RAD51B: variants seen among roughly 807,000 people sequenced by gnomAD.
RAD51B encodes the protein DNA repair protein RAD51 homolog 2.
Under a neutral mutation model 42.2 loss-of-function variants are expected in RAD51B, and 38 were observed. The observed-to-expected ratio is 0.90, with a 90% confidence interval of 0.70 to 1.18. RAD51B has a LOEUF of 1.18. Ranked by LOEUF, RAD51B falls within the 50% of genes most tolerant of loss-of-function variation. The pLI is 0.00. For missense variants in RAD51B, 373 were observed against 400.7 expected (o/e 0.93, Z 0.59); for synonymous variants, 154 against 145.2 (o/e 1.06, Z -0.43).
At chr14:67,859,400 T>C (rs1390725749) in intron 4 of RAD51B, among the ~76,000 whole-genome samples, 2 of 152,244 alleles carry the variant, frequency 1.3e-5, no homozygotes. Context: ...GAGACATTAA[T>C]GTTGAAGTAA....
At chr14:68,415,906 T>A (rs1224207463) in intron 9 of RAD51B, among the ~76,000 whole-genome samples, 2 of 152,226 alleles carry the variant, frequency 1.3e-5, no homozygotes, top group East Asian at 3.8e-4. Flanking sequence ...TGACTAAGCC[T>A]CACACCCGCT....
At chr14:68,230,158 T>A (rs1294607895) in intron 7 of RAD51B, among the ~76,000 whole-genome samples, 4 of 152,196 alleles carry the variant, frequency 2.6e-5, no homozygotes, top group Non-Finnish European at 4.4e-5. Context: ...CTTATACAGG[T>A]GACTTTCTCA....
intron 7 of RAD51B, among the ~76,000 whole-genome samples, chr14:68,223,704 G>T (rs777095670): frequency 6.6e-6 from 1 of 151,940 alleles, no homozygotes; most frequent in African/African-American, 2.4e-5. Flanking sequence ...GGAAAGAAAA[G>T]AAAATCCTAC....
At chr14:67,928,695 A>G (rs1023784198) in intron 7 of RAD51B, among the ~76,000 whole-genome samples, 2 of 152,156 alleles carry the variant, frequency 1.3e-5, no homozygotes, top group Non-Finnish European at 2.9e-5. Flanking sequence ...TCTAATCGCC[A>G]GAATTTGCAT....
intron 7 of RAD51B, among the ~76,000 whole-genome samples, chr14:68,072,060 T>A (rs1232472058): frequency 8.6e-6 from 1 of 116,028 alleles, no homozygotes; most frequent in Non-Finnish European, 1.7e-5. Flanking sequence ...TAATTATATA[T>A]ATTTATATAA....
intron 4 of RAD51B, among the ~76,000 whole-genome samples, chr14:67,842,306 G>A (rs570387749): frequency 1.6e-4 from 24 of 152,192 alleles, no homozygotes; most frequent in Non-Finnish European, 2.6e-4. Flanking sequence ...AGTCTTTAGG[G>A]TTTTCTAGGT....
intron 10 of RAD51B, among the ~76,000 whole-genome samples, chr14:68,618,258 C>G (rs561851373): frequency 6.6e-6 from 1 of 152,214 alleles, no homozygotes; most frequent in African/African-American, 2.4e-5. Context: ...AATGGGGCAC[C>G]ATTGACCTCT....
In RAD51B at chr14:68,611,115, G is replaced by A. The variant is rs771656070; in HGVS notation, c.1146G>A (p.Arg382=). Residue 382 remains arginine, a synonymous_variant, in exon 11 of 11, where the codon AGG becomes AGA. Transcript: ENST00000487861. ...CTGATGTGGTGCTCAGAAAAACAAG[G>A]AATCCCAGGCTGTTACCCAGTGTCT... 9 of 703,014 alleles carry A rather than the reference G, an allele frequency of 1.3e-5. No individual in the cohort carries two copies. In the South Asian group the frequency reaches 1.3e-4, roughly 10 times the overall value. 43.5% of individuals were successfully genotyped at this position (703,014 alleles called of 1,614,324 possible). A position where few individuals can be genotyped will look rare whatever the true frequency, so the allele number is the denominator to read the frequency against.
chr14:67,953,523 G>T (rs1000419736), intron 7 of RAD51B, among the ~76,000 whole-genome samples: 1 of 152,172 alleles, frequency 6.6e-6, no homozygotes, highest in African/African-American at 2.4e-5. Flanking sequence ...CTTGGTAGGA[G>T]CTAGTAGCTG....
chr14:68,263,736 G>A (rs1035041981), intron 7 of RAD51B, among the ~76,000 whole-genome samples: 3 of 152,134 alleles, frequency 2.0e-5, no homozygotes, highest in Non-Finnish European at 2.9e-5. Flanking sequence ...AAAGTTGTAA[G>A]GCCTATGTTC....
At chr14:68,172,644 GA>G (rs1226900684) in intron 7 of RAD51B, among the ~76,000 whole-genome samples, 2 of 150,166 alleles carry the variant, frequency 1.3e-5, no homozygotes, top group East Asian at 2.0e-4. Flanking sequence ...ACTTCAAGTG[GA>G]AAAAAAAAGC....
intron 7 of RAD51B, among the ~76,000 whole-genome samples, chr14:68,101,462 G>A (rs2077287926): frequency 6.6e-6 from 1 of 152,204 alleles, no homozygotes; most frequent in South Asian, 2.1e-4. Context: ...CAGGCATTGG[G>A]TAAATACACC....
intron 7 of RAD51B, among the ~76,000 whole-genome samples, chr14:67,967,674 G>T (rs1181392680): frequency 6.6e-6 from 1 of 152,196 alleles, no homozygotes; most frequent in African/African-American, 2.4e-5. Context: ...TAAGAGGTAG[G>T]TTCCCACAGT....
At position 68,417,623 on chromosome 14, in the gene RAD51B, C is replaced by A. The variant is rs570903547; in HGVS notation, c.957+6096C>A. On this transcript the variant is annotated intron_variant, in intron 9 of 10. Coordinates refer to ENST00000471583, the MANE Select transcript of RAD51B (RefSeq NM_133510.4). ...TGTATTAAAATCTGAGGAAATCCTA[C>A]GGAAAGTGTGTGGTCCCAGTGAATG... 5.3e-4 allele frequency among the ~76,000 whole-genome samples: 81 copies of A among 152,270 alleles called. 1 individual carries two copies. The highest frequency in any genetic ancestry group is 1.9e-3 in the African/African-American group (80 of 41,552).
At chr14:68,593,675 G>A (rs983949723) in intron 10 of RAD51B, among the ~76,000 whole-genome samples, 1 of 152,156 alleles carries the variant, frequency 6.6e-6, no homozygotes, top group African/African-American at 2.4e-5. Flanking sequence ...TATCAGGGCT[G>A]GCATTTATAG....
At chr14:67,976,723 A>G (rs1337887315) in intron 7 of RAD51B, among the ~76,000 whole-genome samples, 1 of 152,134 alleles carries the variant, frequency 6.6e-6, no homozygotes, top group Non-Finnish European at 1.5e-5. Flanking sequence ...ATGGGATCTA[A>G]TTAAACTAAA....
intron 10 of RAD51B, among the ~76,000 whole-genome samples, chr14:68,637,088 CT>C (rs147488212): frequency 0.016 from 2,472 of 151,822 alleles, 73 homozygotes; most frequent in African/African-American, 0.056. Flanking sequence ...TCTTAACAAA[CT>C]TTTTTTTTCA....
intron 10 of RAD51B, among the ~76,000 whole-genome samples, chr14:68,549,563 G>C (rs374094258): frequency 1.0e-4 from 15 of 150,168 alleles, no homozygotes; most frequent in South Asian, 4.3e-4. Context: ...CTACAGGCGC[G>C]CGCCACCATG....
intron 8 of RAD51B, among the ~76,000 whole-genome samples, chr14:68,359,741 G>T (rs2082983156): frequency 6.6e-6 from 1 of 152,182 alleles, no homozygotes; most frequent in Non-Finnish European, 1.5e-5. Flanking sequence ...TGTTGTAGGG[G>T]GGCAGTGTTT....
Sources: allele counts gnomAD v4.1 joint callset (sites outside exome capture counted in the v4.1 genomes callset), GRCh38; gene constraint gnomAD v4.1.1; transcripts MANE v1.5; gene names NCBI Gene and HGNC (gene_info 2026-07-23, HGNC 2026-07-21).